The following ABCA7 variants were observed in gnomAD, a reference collection of about 807,000 sequenced individuals.
The protein encoded by ABCA7 is phospholipid-transporting ATPase ABCA7.
A neutral mutation model predicts 227.6 loss-of-function variants in ABCA7; 261 were observed. The ratio of observed to expected loss-of-function variants is 1.15; its 90% confidence interval spans 1.04 to 1.27. The LOEUF (loss-of-function observed/expected upper bound fraction) is 1.27. Ranked by LOEUF, ABCA7 falls within the 50% of genes most tolerant of loss-of-function variation. The probability of loss-of-function intolerance (pLI) is 0.00; values close to 1 mark genes in which losing one functional copy is unlikely to be tolerated. For missense variants in ABCA7, 3,331 were observed against 2,924.5 expected (o/e 1.14, Z -3.21); for synonymous variants, 1,488 against 1,279.7 (o/e 1.16, Z -3.47).
chr19:1,046,533 C>T (rs1402828920), intron 13 of ABCA7, 127 bp downstream of exon 13: 2 of 1,324,470 alleles, frequency 1.5e-6, no homozygotes, highest in East Asian at 2.3e-5. Context: ...TACACCACTC[C>T]ACGTGACCTG....
rs1461410359 is a variant in ABCA7, at chr19:1,046,335, G to C, written c.1551G>C (p.Val517=). The C allele has an allele frequency of 4.4e-6, 7 of 1,601,874 alleles. No homozygotes were observed. The highest frequency in any genetic ancestry group is 2.7e-5 in the African/African-American group (2 of 74,944). ...TGGTGGAGCGTGCAGCCGTCCGCGT[G>C]CTCAGCGGCGCCAACCCCCGGGCCG... ...QDLVERAAVR[V]LSGANPRAGL... Residue 517 remains valine, a synonymous_variant, in exon 13 of 47, where the codon GTG becomes GTC. Transcript: ENST00000263094.
Position 1,044,661 on chromosome 19 carries a change from G to A in ABCA7, c.1132G>A (p.Asp378Asn). 1 of 1,613,186 alleles carries A rather than the reference G, an allele frequency of 6.2e-7. No homozygotes were observed. Residue 378 changes from aspartate to asparagine, a missense_variant, in exon 11 of 47, where the codon GAC becomes AAC. By Grantham distance (23) the Asp-to-Asn change is conservative. Transcript: ENST00000263094. The part of the protein sequence containing the change: ...DHMEALRSFL[D>N]PGSGGYSWQD... ...CATGGAGGCCCTGCGATCCTTTCTG[G>A]ACCCTGGGAGCGGTGGCTACAGCTG...
At position 1,062,288 on chromosome 19, in the gene ABCA7, G is replaced by T; in HGVS notation, c.5687G>T (p.Gly1896Val). 1 of 1,607,532 alleles carries T rather than the reference G, an allele frequency of 6.2e-7. No individual in the cohort carries two copies. The highest frequency in any genetic ancestry group is 2.2e-5 in the East Asian group (1 of 44,862). ...EHLELLARLR[G>V]VPEAQVAQTA... Reference sequence around the variant, plus strand: ...CTGGAGCTGCTTGCGCGCCTGCGCGGTGTCCCGGAGGCCCAGGTTGCCCAG... The same window carrying T: ...CTGGAGCTGCTTGCGCGCCTGCGCGTTGTCCCGGAGGCCCAGGTTGCCCAG... The change falls in exon 42 of 47, where the codon GGT (glycine) becomes GTT (valine). Residue 1896 changes from glycine to valine, a missense_variant. Gly to Val is a moderately radical substitution (Grantham distance 109). Transcript: ENST00000263094.
In ABCA7 at chr19:1,057,037, G is replaced by A; in HGVS notation, c.4717G>A (p.Gly1573Ser). The A allele has an allele frequency of 1.2e-6, 2 of 1,613,688 alleles. No homozygotes were observed. Among genetic ancestry groups the A allele is most frequent in the Non-Finnish European group, 1.7e-6 (2 of 1,179,952 alleles). Residue 1573 changes from glycine (G) to serine (S), a missense_variant, in exon 34 of 47, where the codon GGC (glycine) becomes AGC (serine). By Grantham distance (56) the Gly-to-Ser change is moderately conservative. Transcript: ENST00000263094. ...TRAKHLQLMG[G>S]LSPTLYWLGN... is the part of the protein sequence containing the mutation. ...AGCCAAGCACCTGCAGCTCATGGGG[G>A]GCCTGTCCCCCACCCTCTACTGGCT...
In ABCA7 at chr19:1,058,155, G is replaced by T. The variant is rs770510230; in HGVS notation, c.5035G>T (p.Glu1679Ter). The T allele has an allele frequency of 8.1e-5, 130 of 1,613,830 alleles. No homozygotes were observed. The highest frequency in any genetic ancestry group is 1.1e-4 in the Non-Finnish European group (124 of 1,180,000). The change falls in exon 37 of 47, where the codon GAG (glutamate) becomes TAG (stop). Residue 1679 changes from glutamate to a stop codon, truncating the protein, a stop_gained. Transcript: ENST00000263094. LOFTEE classifies it high-confidence loss of function. ...TCCCACCCTTGAGCAGAAGCTGCAG[G>T]AGGTGAGCCGGATCTTGAAACAGGT... ...LELFSDQKLQEVSRILKQVFL... is the reference protein window; with the variant it reads ...LELFSDQKLQ
chr19:1,046,945 C>A lies in ABCA7; in HGVS notation c.1766C>A (p.Ala589Glu), dbSNP rs144979723. The A allele has an allele frequency of 6.4e-7, 1 of 1,568,612 alleles. No homozygotes were observed. Among genetic ancestry groups the A allele is most frequent in the South Asian group, 1.2e-5 (1 of 86,676 alleles). Reference sequence around the variant, plus strand: ...ATGCGCGCCATGGGGCTCAGCCGCGCGGTGCTCTGGCTAGGCTGGTTCCTC... The same window carrying A: ...ATGCGCGCCATGGGGCTCAGCCGCGAGGTGCTCTGGCTAGGCTGGTTCCTC... ...DTMRAMGLSR[A>E]VLWLGWFLSC... The change falls in exon 14 of 47, where the codon GCG (alanine) becomes GAG (glutamate). Residue 589 changes from alanine to glutamate, a missense_variant. Transcript: ENST00000263094.
chr19:1,044,962 G>A, intron 11 of ABCA7, 40 bp from the exon 12 acceptor site: 1 of 1,603,038 alleles, frequency 6.2e-7, no homozygotes, highest in Non-Finnish European at 8.5e-7. Context: ...TAGGAGGCAG[G>A]CGGACCCCAG....
Position 1,054,229 on chromosome 19 carries a change from C to G in ABCA7, c.3614C>G (p.Pro1205Arg). The change falls in exon 27 of 47, where the codon CCA becomes CGA. Residue 1205 changes from proline to arginine, a missense_variant. Transcript: ENST00000263094. This position sits in a 1 kb window ranked among gnomAD's most constrained non-coding sequence, Gnocchi z 4.8. ...SAPETDQGSG[P>R]DAVGRVQGWA... Reference sequence around the variant, plus strand: ...CCAGAGACTGACCAGGGCTCTGGGCCAGACGCCGTGGGCCGGGTACAGGGC... The same window carrying G: ...CCAGAGACTGACCAGGGCTCTGGGCGAGACGCCGTGGGCCGGGTACAGGGC... The G allele has an allele frequency of 6.2e-7, 1 of 1,608,280 alleles. No individual in the cohort carries two copies. Among genetic ancestry groups the G allele is most frequent in the South Asian group, 1.1e-5 (1 of 90,864 alleles).
chr19:1,052,806 G>A (rs1000451840), intron 23 of ABCA7, among the ~76,000 whole-genome samples: 3 of 151,650 alleles, frequency 2.0e-5, no homozygotes, highest in Non-Finnish European at 4.4e-5. Context: ...AGACTAACTT[G>A]AACACTGACC....
intron 40 of ABCA7, among the ~76,000 whole-genome samples, chr19:1,061,044 A>G (rs1375164018): frequency 2.6e-5 from 4 of 152,010 alleles, no homozygotes; most frequent in Admixed American, 6.6e-5. Context: ...ACATACCCCA[A>G]TATCTGCCTA....
chr19:1,057,790 A>AC, intron 35 of ABCA7, 125 bp from the exon 36 acceptor site: 1 of 1,308,748 alleles, frequency 7.6e-7, no homozygotes, highest in Non-Finnish European at 1.0e-6. Context: ...AAAAAAAAAA[A>AC]CAGAAATGTG....
chr19:1,041,862 G>A lies in ABCA7; in HGVS notation c.192G>A (p.Ala64=), dbSNP rs370701255. 3.1e-6 allele frequency: 5 copies of A among 1,599,400 alleles called. No individual in the cohort carries two copies. The highest frequency in any genetic ancestry group is 1.3e-5 in the African/African-American group (1 of 75,006). ...TCCCAAACAAGCCACTGCCATCGGC[G>A]GGCACCGTGCCCTGGCTCCAGGGTC... ...CHFPNKPLPS[A]GTVPWLQGLI... The change falls in exon 4 of 47, where the codon GCG becomes GCA. Residue 64 remains alanine, a synonymous_variant. Transcript: ENST00000263094.
In ABCA7 at chr19:1,058,717, T is replaced by C. The variant is rs2042451164; in HGVS notation, c.5249T>C (p.Leu1750Pro). The change falls in exon 38 of 47, where the codon CTG becomes CCG. Residue 1750 changes from leucine to proline, a missense_variant. Coordinates refer to ENST00000263094, the MANE Select transcript of ABCA7 (RefSeq NM_019112.4). ...QGPLFLLFTL[L>P]LQHRSQLLPQ... is the part of the protein sequence containing the mutation. Reference sequence around the variant, plus strand: ...CCCCTCTTCCTTCTCTTCACACTACTGCTGCAGCACCGAAGCCAACTCCTG... The same window carrying C: ...CCCCTCTTCCTTCTCTTCACACTACCGCTGCAGCACCGAAGCCAACTCCTG... The C allele has an allele frequency of 3.1e-6, 5 of 1,613,954 alleles. No homozygotes were observed. The highest frequency in any genetic ancestry group is 4.2e-6 in the Non-Finnish European group (5 of 1,179,970).
At chr19:1,051,811 G>A in intron 21 of ABCA7, 131 bp from the exon 22 acceptor site, 1 of 1,308,168 alleles carries the variant, frequency 7.6e-7, no homozygotes, top group Non-Finnish European at 1.1e-6. Context: ...CAACAAGGAG[G>A]TTCTGGGGAT....
rs2040068554 is a variant in ABCA7, at chr19:1,041,835, C to G, written c.165C>G (p.His55Gln). 6.2e-7 allele frequency: 1 copy of G among 1,602,362 alleles called. No homozygotes were observed. The highest frequency in any genetic ancestry group is 8.5e-7 in the Non-Finnish European group (1 of 1,178,632). ...SHPPLEHHEC[H>Q]FPNKPLPSAG... ...GCACCAGGCGTCTCCCCGCAGGCCA[C>G]TTCCCAAACAAGCCACTGCCATCGG... is the stretch of plus-strand genomic sequence containing the variant. Residue 55 changes from histidine (H) to glutamine (Q), a missense_variant, in exon 4 of 47, where the codon CAC becomes CAG. Transcript: ENST00000263094.
At position 1,045,172 on chromosome 19, in the gene ABCA7, G is replaced by GCGCATCAAAATC. The variant is rs1422902721; in HGVS notation, c.1392_1403dup (p.Ile464_Arg467dup). 1.9e-6 allele frequency: 3 copies of GCGCATCAAAATC among 1,612,432 alleles called. No homozygotes were observed. In the South Asian group the frequency reaches 3.3e-5, roughly 18 times the overall value. ...CCCCAGACCTGGGCCCCGGCCACGT[G>GCGCATCAAAATC]CGCATCAAAATCCGCATGGACATTG... On this transcript the variant is annotated inframe_insertion, in exon 12 of 47. Transcript: ENST00000263094.
At position 1,053,383 on chromosome 19, in the gene ABCA7, TGGA is replaced by T. The variant is rs2041948737; in HGVS notation, c.3280_3282del (p.Glu1094del). 1 of 1,606,196 alleles carries T rather than the reference TGGA, an allele frequency of 6.2e-7. No homozygotes were observed. The highest frequency in any genetic ancestry group is 1.3e-5 in the African/African-American group (1 of 74,780). ...CACTGGGTGCCCGGGGCACGGCTGG[TGGA>T]GGAGCTGCCACACGAGCTGGTGCTG... is the stretch of plus-strand genomic sequence containing the variant. On this transcript the variant is annotated inframe_deletion, in exon 24 of 47. Transcript: ENST00000263094.
In ABCA7 at chr19:1,049,270, G is replaced by A. The variant is rs4147914; in HGVS notation, c.2385G>A (p.Leu795=). 0.16 allele frequency: 250,944 copies of A among 1,602,504 alleles called. 22,492 individuals carry two copies. The highest frequency in any genetic ancestry group is 0.42 in the East Asian group (18,642 of 44,672). Residue 795 remains leucine (L), a synonymous_variant, in exon 18 of 47, where the codon CTG becomes CTA. Coordinates refer to ENST00000263094, the MANE Select transcript of ABCA7 (RefSeq NM_019112.4). ...PCPTPLDPKV[L]VEEAPPGLSP... is the part of the protein sequence containing the mutation. ...GAGTCCACCCCATCTCTGCAGTGCT[G>A]GTAGAAGAGGCACCGCCCGGCCTGA...
At position 1,054,924 on chromosome 19, in the gene ABCA7, T is replaced by G; in HGVS notation, c.3950+46T>G. 3 of 1,553,470 alleles carry G rather than the reference T, an allele frequency of 1.9e-6. No individual in the cohort carries two copies. Among genetic ancestry groups the G allele is most frequent in the Non-Finnish European group, 2.6e-6 (3 of 1,144,860 alleles). On this transcript the variant is annotated intron_variant, in intron 29 of 46. Coordinates refer to ENST00000263094, the MANE Select transcript of ABCA7 (RefSeq NM_019112.4). This position sits in a 1 kb window ranked among gnomAD's most constrained non-coding sequence, Gnocchi z 4.8. ...GGACCTTTCCCCTCTCTGGCCTCAGTTTTCCCATCTGGTCCCTGGCCAGGG... is the reference window on the plus strand; with the variant it reads ...GGACCTTTCCCCTCTCTGGCCTCAGGTTTCCCATCTGGTCCCTGGCCAGGG...
Sources: allele counts gnomAD v4.1 joint callset (sites outside exome capture counted in the v4.1 genomes callset), GRCh38; gene constraint gnomAD v4.1.1; non-coding constraint Gnocchi (gnomAD v3.1); transcripts MANE v1.5; gene names NCBI Gene and HGNC (gene_info 2026-07-23, HGNC 2026-07-21).